The following OPA3 variants were observed in gnomAD, a reference collection of about 807,000 sequenced individuals.
OPA3 encodes optic atrophy 3 protein.
Under a neutral mutation model 4.0 loss-of-function variants are expected in OPA3, and 6 were observed. The ratio of observed to expected loss-of-function variants is 1.51; its 90% CI spans 0.83 to 2.99. OPA3 has a LOEUF of 2.99. Ranked by LOEUF, OPA3 falls within the 30% of genes most tolerant of loss-of-function variation. The pLI, the probability that OPA3 is intolerant of heterozygous loss-of-function variation, is 0.00. For synonymous variants in OPA3, 105 were observed against 117.1 expected (o/e 0.90, Z 0.67); for missense variants, 235 against 256.2 (o/e 0.92, Z 0.56).
chr19:45,578,475 T>C (rs1464572381), intron 1 of OPA3, among the ~76,000 whole-genome samples: 1 of 144,960 alleles, frequency 6.9e-6, no homozygotes, highest in African/African-American at 2.5e-5. Flanking sequence ...ATTTCATCTC[T>C]GACCAATCAG....
intron 1 of OPA3, among the ~76,000 whole-genome samples, chr19:45,567,596 A>G (rs10420349): frequency 0.016 from 2,374 of 152,248 alleles, 51 homozygotes; most frequent in African/African-American, 0.053. Context: ...GGGTATATGC[A>G]TGTACCAATA....
intron 1 of OPA3, chr19:45,529,468 G>T: frequency 6.2e-7 from 1 of 1,611,084 alleles, no homozygotes; most frequent in Non-Finnish European, 8.5e-7. Context: ...TGCAGGAAAA[G>T]ACAGGAGTCA....
intron 1 of OPA3, among the ~76,000 whole-genome samples, chr19:45,565,356 G>A (rs1267651984): frequency 1.3e-5 from 2 of 152,116 alleles, no homozygotes; most frequent in Admixed American, 6.5e-5. Context: ...GTGGCTGGGC[G>A]TGGTGGCTCA....
Position 45,550,194 on chromosome 19 carries a change from A to C in OPA3, c.*3320T>G, listed in dbSNP as rs142831259. On this transcript the variant is annotated 3_prime_UTR_variant, in exon 2 of 2. Coordinates refer to ENST00000263275, the MANE Select transcript of OPA3 (RefSeq NM_025136.4). ...AGAAAAAAGAAGAGAAAAGAAGAAA[A>C]GAAAAGTTTCAGAACCTGTTTCTTG... 1.7e-5 allele frequency: 17 copies of C among 984,988 alleles called. No individual in the cohort carries two copies. The highest frequency in any genetic ancestry group is 1.9e-5 in the Non-Finnish European group (16 of 829,564). The allele number at this position is 984,988 out of a possible 1,614,324, so 61.0% of individuals were successfully genotyped here. A position where few individuals can be genotyped will look rare whatever the true frequency, so the allele number is the denominator to read the frequency against.
At chr19:45,542,504 A>G (rs1305606529), downstream of OPA3, among the ~76,000 whole-genome samples, 1 of 152,128 alleles carries the variant, frequency 6.6e-6, no homozygotes, top group Non-Finnish European at 1.5e-5. Context: ...AAATTGCAGG[A>G]GTTGTAACAC....
In OPA3 at chr19:45,551,832, C is replaced by T. The variant is rs924080077; in HGVS notation, c.*1682G>A. ...TCCGAGGAAAGAAAGCAAGAGCACA[C>T]AGATTAGGAGACACGGATGGAAGAT... On this transcript the variant is annotated 3_prime_UTR_variant, in exon 2 of 2. Coordinates refer to ENST00000263275, the MANE Select transcript of OPA3 (RefSeq NM_025136.4). 9.1e-6 allele frequency: 9 copies of T among 985,506 alleles called. No homozygotes were observed. Among genetic ancestry groups the T allele is most frequent in the Non-Finnish European group, 1.1e-5 (9 of 830,018 alleles). 61.0% of individuals were successfully genotyped at this position (985,506 alleles called of 1,614,324 possible).
chr19:45,527,828 G>C (rs1477719055), exon 2 of OPA3: 2 of 152,222 alleles, frequency 1.3e-5, no homozygotes, highest in Non-Finnish European at 2.9e-5. Flanking sequence ...TTATAAAGTA[G>C]CATTCAGAGT....
At position 45,551,900 on chromosome 19, in the gene OPA3, G is replaced by T; in HGVS notation, c.*1614C>A. 1 of 985,608 alleles carries T rather than the reference G, an allele frequency of 1.0e-6. No individual in the cohort carries two copies. The highest frequency in any genetic ancestry group is 1.2e-6 in the Non-Finnish European group (1 of 830,058). The allele number at this position is 985,608 out of a possible 1,614,324, so 61.1% of individuals were successfully genotyped here. On this transcript the variant is annotated 3_prime_UTR_variant, in exon 2 of 2. Transcript: ENST00000263275. ...AATCCATGGGCTTGGATTCGACTGG[G>T]TCCCTGAGAAATGCTACTGAGCAAG... is the stretch of plus-strand genomic sequence containing the variant.
downstream of OPA3, among the ~76,000 whole-genome samples, chr19:45,542,575 G>A (rs528935848): frequency 3.3e-5 from 5 of 151,972 alleles, no homozygotes; most frequent in South Asian, 4.2e-4. Context: ...GTAAAAATAC[G>A]GTGGTATCAT....
Position 45,553,653 on chromosome 19 carries a change from TCCAGCG to T in OPA3, c.395_400del (p.Ala132_Leu133del). The T allele has an allele frequency of 1.2e-6, 2 of 1,605,352 alleles. No homozygotes were observed. Among genetic ancestry groups the T allele is most frequent in the Non-Finnish European group, 1.7e-6 (2 of 1,178,372 alleles). Reference sequence around the variant, plus strand: ...CGCCTGCACCTGCGCCTGCAGCGCTTCCAGCGCCAGCGCCAGGTGGCCCACCTCGTC... The same window carrying T: ...CGCCTGCACCTGCGCCTGCAGCGCTTCCAGCGCCAGGTGGCCCACCTCGTC... On this transcript the variant is annotated inframe_deletion, in exon 2 of 2. Transcript: ENST00000263275.
At chr19:45,565,368 G>A (rs923679291) in intron 1 of OPA3, among the ~76,000 whole-genome samples, 4 of 152,032 alleles carry the variant, frequency 2.6e-5, no homozygotes, top group Non-Finnish European at 4.4e-5. Flanking sequence ...GGTGGCTCAC[G>A]CCTGTAATCC....
intron 1 of OPA3, among the ~76,000 whole-genome samples, chr19:45,573,965 C>T (rs1969727577): frequency 6.6e-6 from 1 of 151,546 alleles, no homozygotes; most frequent in African/African-American, 2.4e-5. Flanking sequence ...GAGTTGGAGA[C>T]CAGCCTGACC....
intron 1 of OPA3, among the ~76,000 whole-genome samples, chr19:45,574,979 C>G (rs567407540): frequency 2.0e-5 from 3 of 152,286 alleles, no homozygotes; most frequent in Non-Finnish European, 2.9e-5. Flanking sequence ...CAGATGACTC[C>G]AGCCCAGCCA....
At position 45,549,562 on chromosome 19, in the gene OPA3, C is replaced by A. The variant is rs959124917; in HGVS notation, c.*3952G>T. The A allele has an allele frequency of 1.5e-5, 13 of 886,192 alleles. No homozygotes were observed. The highest frequency in any genetic ancestry group is 1.8e-5 in the Non-Finnish European group (13 of 739,644). The allele number at this position is 886,192 out of a possible 1,614,324, so 54.9% of individuals were successfully genotyped here. A position where few individuals can be genotyped will look rare whatever the true frequency, so the allele number is the denominator to read the frequency against. On this transcript the variant is annotated 3_prime_UTR_variant, in exon 2 of 2. Coordinates refer to ENST00000263275, the MANE Select transcript of OPA3 (RefSeq NM_025136.4). ...GTGGCGCGATCTCAGCTCACTGCAACCTCCACCTCCTGGGTTCAAGCAATT... is the reference window on the plus strand; with the variant it reads ...GTGGCGCGATCTCAGCTCACTGCAAACTCCACCTCCTGGGTTCAAGCAATT...
intron 1 of OPA3, 70 bp downstream of exon 1, chr19:45,584,553 T>C: frequency 1.2e-6 from 2 of 1,608,148 alleles, no homozygotes; most frequent in Non-Finnish European, 1.7e-6. Flanking sequence ...CAGAAGTCCA[T>C]CCCCTAAGCA....
intron 1 of OPA3, among the ~76,000 whole-genome samples, chr19:45,540,197 G>C (rs1393969959): frequency 6.6e-6 from 1 of 151,752 alleles, no homozygotes; most frequent in South Asian, 2.1e-4. Context: ...TGCACCTGTA[G>C]TCCCAGCTAC....
Position 45,546,540 on chromosome 19 carries a change from G to T in OPA3, c.*6974C>A. On this transcript the variant is annotated 3_prime_UTR_variant, in exon 2 of 2. Coordinates refer to ENST00000263275, the MANE Select transcript of OPA3 (RefSeq NM_025136.4). Reference sequence around the variant, plus strand: ...AGACAGGGTCTCACTTTGTCTCCCAGGTTGAGGTGCTGTGGCCTGATCTCA... The same window carrying T: ...AGACAGGGTCTCACTTTGTCTCCCATGTTGAGGTGCTGTGGCCTGATCTCA... 1 of 365,474 alleles carries T rather than the reference G, an allele frequency of 2.7e-6. No homozygotes were observed. The highest frequency in any genetic ancestry group is 3.8e-6 in the Non-Finnish European group (1 of 265,032). 22.6% of individuals were successfully genotyped at this position (365,474 alleles called of 1,614,324 possible).
At chr19:45,534,889 C>T (rs192655628) in intron 1 of OPA3, among the ~76,000 whole-genome samples, 22 of 152,058 alleles carry the variant, frequency 1.4e-4, no homozygotes, top group Middle Eastern at 3.4e-3. Flanking sequence ...CCTCGGCCTT[C>T]CAAAATGCTG....
At position 45,572,116 on chromosome 19, in the gene OPA3, T is replaced by TTC. The variant is rs1969675142; in HGVS notation, c.142+12506_142+12507insGA. ...TGTGGTGTATATATATATATCAATA[T>TTC]ATATTGATATATATATATATTTTGT... is the stretch of plus-strand genomic sequence containing the variant. On this transcript the variant is annotated intron_variant, in intron 1 of 1. Transcript: ENST00000263275. Among the ~76,000 whole-genome samples the TTC allele has an allele frequency of 1.1e-4, 15 of 138,174 alleles. No homozygotes were observed. In the South Asian group the frequency reaches 3.5e-3, roughly 32 times the overall value. 90.6% of individuals were successfully genotyped at this position (138,174 alleles called of 152,430 possible). A position where few individuals can be genotyped will look rare whatever the true frequency, so the allele number is the denominator to read the frequency against.
Sources: gnomAD v4.1 joint callset for allele counts (sites outside exome capture counted in the v4.1 genomes callset) on GRCh38, gnomAD v4.1.1 for gene constraint, MANE v1.5 for transcripts, NCBI Gene and HGNC (gene_info 2026-07-23, HGNC 2026-07-21) for gene names.